The following GPC3 variants were observed in gnomAD, a reference collection of about 807,000 sequenced individuals.
The protein encoded by GPC3 is glypican 3, also known as glypican-3.
GPC3 carries 3 observed loss-of-function variants against 34.4 expected under a neutral mutation model. The ratio of observed to expected loss-of-function variants is 0.09; its 90% CI spans 0.04 to 0.23. The LOEUF (loss-of-function observed/expected upper bound fraction) is 0.23, where lower values mean the gene tolerates loss of function less well. GPC3 is among the 10% of genes least tolerant of loss of function. The probability of loss-of-function intolerance (pLI) is 1.00; values close to 1 mark genes in which losing one functional copy is unlikely to be tolerated. For missense variants in GPC3, 351 were observed against 445.6 expected, an observed-to-expected ratio of 0.79 and a Z score of 1.91; for synonymous variants, 177 against 174.0, an observed-to-expected ratio of 1.02 and a Z score of -0.13.
At chrX:133,839,853 A>T in intron 2 of GPC3, among the ~76,000 whole-genome samples, 1 of 102,707 alleles carries the variant, frequency 9.7e-6, no homozygotes, top group Middle Eastern at 4.9e-3. Context: ...GCGTGAACCC[A>T]GGAGGCGGAG....
chrX:133,913,356 C>T (rs781738017), intron 2 of GPC3, among the ~76,000 whole-genome samples: 8 of 112,417 alleles, frequency 7.1e-5, no homozygotes, highest in Non-Finnish European at 1.1e-4. Context: ...AAATAAGTGC[C>T]AATGAATTTA....
chrX:133,595,908 AAAG>A (rs1387474802), intron 7 of GPC3, among the ~76,000 whole-genome samples: 1 of 112,120 alleles, frequency 8.9e-6, no homozygotes, highest in Non-Finnish European at 1.9e-5. Context: ...CGTCCTAAGA[AAAG>A]AAGGTCAGCT....
intron 2 of GPC3, among the ~76,000 whole-genome samples, chrX:133,806,159 A>G (rs1264105867): frequency 8.9e-6 from 1 of 112,293 alleles, no homozygotes; most frequent in Non-Finnish European, 1.9e-5. Flanking sequence ...CAAGAGCAGA[A>G]TGTACAAGGT....
At chrX:133,922,468 A>G (rs935106417) in intron 2 of GPC3, among the ~76,000 whole-genome samples, 12 of 111,681 alleles carry the variant, frequency 1.1e-4, no homozygotes, top group Admixed American at 7.6e-4. Flanking sequence ...GATACTTTCT[A>G]AACTCCTCTA....
chrX:133,772,738 C>T (rs1367740655), intron 2 of GPC3, among the ~76,000 whole-genome samples: 2 of 111,509 alleles, frequency 1.8e-5, no homozygotes, highest in South Asian at 3.8e-4. Context: ...ATAGCACATT[C>T]GTTTGGACCA....
At chrX:133,700,702 C>T (rs1256648054) in intron 3 of GPC3, among the ~76,000 whole-genome samples, 1 of 110,293 alleles carries the variant, frequency 9.1e-6, no homozygotes, top group Non-Finnish European at 1.9e-5. Flanking sequence ...CACAGCAAGA[C>T]CCAGTCTCTG....
intron 5 of GPC3, among the ~76,000 whole-genome samples, chrX:133,671,630 T>C: frequency 8.9e-6 from 1 of 112,075 alleles, no homozygotes; most frequent in Non-Finnish European, 1.9e-5. Flanking sequence ...GGAAGCAAAA[T>C]CTAGGAAAGA....
chrX:133,833,232 AATAG>A (rs963930111), intron 2 of GPC3, among the ~76,000 whole-genome samples: 5 of 111,616 alleles, frequency 4.5e-5, no homozygotes, highest in Admixed American at 9.5e-5. Flanking sequence ...GCTTTCATGA[AATAG>A]ATAGGGAATG....
chrX:133,931,805 T>A (rs751382216), intron 2 of GPC3, among the ~76,000 whole-genome samples: 1 of 111,757 alleles, frequency 8.9e-6, no homozygotes, highest in African/African-American at 3.3e-5. Context: ...TGTTACACTA[T>A]TGGCTTCATA....
chrX:133,650,566 A>C (rs1054039987), intron 6 of GPC3, among the ~76,000 whole-genome samples: 1 of 111,335 alleles, frequency 9.0e-6, no homozygotes, highest in Admixed American at 9.6e-5. Flanking sequence ...AATCTGTTGA[A>C]GGTTGGCTAG....
At chrX:133,792,964 G>T (rs2072181264) in intron 2 of GPC3, among the ~76,000 whole-genome samples, 1 of 111,330 alleles carries the variant, frequency 9.0e-6, no homozygotes, top group South Asian at 3.8e-4. Flanking sequence ...GCAAAGGGCT[G>T]CCTAATGAAA....
intron 2 of GPC3, among the ~76,000 whole-genome samples, chrX:133,900,008 G>GGTCA (rs2076137104): frequency 9.0e-6 from 1 of 111,309 alleles, no homozygotes; most frequent in African/African-American, 3.3e-5. Context: ...TCACCATGTT[G>GGTCA]GTCAGGTTGG....
chrX:133,907,489 A>C (rs1386315675), intron 2 of GPC3, among the ~76,000 whole-genome samples: 1 of 111,852 alleles, frequency 8.9e-6, no homozygotes, highest in Non-Finnish European at 1.9e-5. Flanking sequence ...CCACTGAAAA[A>C]TAGCTACTGT....
At chrX:133,591,624 C>A (rs1433933146) in intron 7 of GPC3, among the ~76,000 whole-genome samples, 1 of 111,879 alleles carries the variant, frequency 8.9e-6, no homozygotes, top group Non-Finnish European at 1.9e-5. Flanking sequence ...TCATGCCTAA[C>A]AAATTGACTA....
At chrX:133,674,442 C>A (rs2070862628) in intron 5 of GPC3, among the ~76,000 whole-genome samples, 1 of 111,077 alleles carries the variant, frequency 9.0e-6, no homozygotes, top group African/African-American at 3.3e-5. Flanking sequence ...AGCACTGGAA[C>A]TTTCTTTGCC....
chrX:133,833,362 T>A (rs1368953176), intron 2 of GPC3, among the ~76,000 whole-genome samples: 1 of 111,804 alleles, frequency 8.9e-6, no homozygotes, highest in Admixed American at 9.5e-5. Flanking sequence ...ACATATGATA[T>A]AAGGTCCATA....
intron 2 of GPC3, among the ~76,000 whole-genome samples, chrX:133,793,701 G>A (rs1362023963): frequency 8.9e-6 from 1 of 111,830 alleles, no homozygotes; most frequent in African/African-American, 3.3e-5. Flanking sequence ...TTCAGAACCA[G>A]ATCACTGCCT....
At chrX:133,536,433 C>T in intron 7 of GPC3, 140 bp from the exon 8 acceptor site, 1 of 173,013 alleles carries the variant, frequency 5.8e-6, no homozygotes, top group South Asian at 8.8e-5. Flanking sequence ...AAAAAGGCCA[C>T]TGTGAGATGG....
chrX:133,621,306 C>T (rs762275976), intron 6 of GPC3, among the ~76,000 whole-genome samples: 5 of 111,586 alleles, frequency 4.5e-5, no homozygotes, highest in Non-Finnish European at 7.5e-5. Flanking sequence ...TGGGGCTTTT[C>T]GGACAGTGGT....
Sources: allele counts gnomAD v4.1 joint callset (sites outside exome capture counted in the v4.1 genomes callset), GRCh38; gene constraint gnomAD v4.1.1; transcripts MANE v1.5; gene names NCBI Gene and HGNC (gene_info 2026-07-23, HGNC 2026-07-21).